Variants in GALNT17 observed in about 807,000 individuals in gnomAD.
The protein encoded by GALNT17 is polypeptide N-acetylgalactosaminyltransferase 17.
In GALNT17, 29 loss-of-function variants were observed where a neutral mutation model predicts 63.7. The ratio of observed to expected loss-of-function variants is 0.46; its 90% CI spans 0.34 to 0.62. GALNT17 has a LOEUF of 0.62. GALNT17 is among the 20% of genes least tolerant of loss of function. The pLI is 0.01. For synonymous variants in GALNT17, 305 were observed against 318.3 expected (o/e 0.96, Z 0.45); for missense variants, 603 against 799.6 (o/e 0.75, Z 2.97).
chr7:71,166,695 A>G lies in GALNT17; in HGVS notation c.238+33655A>G, dbSNP rs543856173. On this transcript the variant is annotated intron_variant, in intron 1 of 10. Coordinates refer to ENST00000333538, the MANE Select transcript of GALNT17 (RefSeq NM_022479.3). ...TTACTTTTATTACTAACTATATTCC[A>G]TTATATGGCTATACCACAGTTTGTT... Among the ~76,000 whole-genome samples, 36 of 152,264 alleles carry G rather than the reference A, an allele frequency of 2.4e-4. 1 individual carries two copies. In the South Asian group the frequency reaches 6.0e-3, roughly 25 times the overall value.
intron 1 of GALNT17, among the ~76,000 whole-genome samples, chr7:71,280,214 G>A (rs1472753176): frequency 6.6e-6 from 1 of 152,122 alleles, no homozygotes; most frequent in African/African-American, 2.4e-5. Context: ...ATGGGCACAA[G>A]GGACTTTATT....
At chr7:71,544,778 A>G (rs1373851524) in intron 5 of GALNT17, among the ~76,000 whole-genome samples, 1 of 152,014 alleles carries the variant, frequency 6.6e-6, no homozygotes, top group African/African-American at 2.4e-5. Context: ...TGAAGATTCC[A>G]TCTCATTTTC....
At chr7:71,315,473 A>G (rs1227345342) in intron 1 of GALNT17, among the ~76,000 whole-genome samples, 1 of 152,142 alleles carries the variant, frequency 6.6e-6, no homozygotes, top group Non-Finnish European at 1.5e-5. Flanking sequence ...CAGCTGCACC[A>G]TTTTACATTC....
At chr7:71,551,433 A>G (rs549848494) in intron 5 of GALNT17, among the ~76,000 whole-genome samples, 24 of 152,308 alleles carry the variant, frequency 1.6e-4, no homozygotes, top group African/African-American at 5.5e-4. Flanking sequence ...AGTATCTGGA[A>G]GTCCTGTGCC....
intron 1 of GALNT17, among the ~76,000 whole-genome samples, chr7:71,287,558 G>T (rs1338731107): frequency 1.3e-5 from 2 of 152,078 alleles, no homozygotes; most frequent in Non-Finnish European, 2.9e-5. Context: ...ACAATGCAGG[G>T]GTTAGAGGCA....
chr7:71,468,563 C>T (rs1583980446), intron 5 of GALNT17, among the ~76,000 whole-genome samples: 1 of 151,998 alleles, frequency 6.6e-6, no homozygotes, highest in South Asian at 2.1e-4. Context: ...ATTATGGATG[C>T]CCACCACCAT....
In GALNT17 at chr7:71,390,216, G is replaced by C. The variant is rs568702499; in HGVS notation, c.589+1815G>C. On this transcript the variant is annotated intron_variant, in intron 3 of 10. Coordinates refer to ENST00000333538, the MANE Select transcript of GALNT17 (RefSeq NM_022479.3). ...GGATTACCCTGCAAGCTGCTCCGTCGTCCGGAAGATGGTGAGGAGGAGGCA... is the reference window on the plus strand; with the variant it reads ...GGATTACCCTGCAAGCTGCTCCGTCCTCCGGAAGATGGTGAGGAGGAGGCA... Among the ~76,000 whole-genome samples the C allele has an allele frequency of 7.2e-5, 11 of 152,248 alleles. No homozygotes were observed. The South Asian group carries it at 2.1e-3, about 29-fold the overall frequency.
intron 1 of GALNT17, among the ~76,000 whole-genome samples, chr7:71,328,087 G>A (rs1791734865): frequency 6.6e-6 from 1 of 152,172 alleles, no homozygotes; most frequent in Admixed American, 6.5e-5. Flanking sequence ...TAGATCTGGA[G>A]TGAAGCATGA....
chr7:71,556,786 G>T (rs1789171386), intron 5 of GALNT17, among the ~76,000 whole-genome samples: 1 of 151,960 alleles, frequency 6.6e-6, no homozygotes, highest in African/African-American at 2.4e-5. Flanking sequence ...GGCTGGTCTT[G>T]AACTCCTGAT....
At chr7:71,379,065 C>G (rs1249614726) in intron 2 of GALNT17, among the ~76,000 whole-genome samples, 1 of 152,070 alleles carries the variant, frequency 6.6e-6, no homozygotes, top group African/African-American at 2.4e-5. Context: ...TGGGGATGAC[C>G]AGAGTGAAGA....
intron 5 of GALNT17, among the ~76,000 whole-genome samples, chr7:71,514,048 A>C (rs1054287454): frequency 2.6e-5 from 4 of 152,188 alleles, no homozygotes; most frequent in African/African-American, 9.6e-5. Flanking sequence ...TTAAAAATTT[A>C]GCCGGGCATG....
chr7:71,152,146 G>C (rs1195421386), intron 1 of GALNT17, among the ~76,000 whole-genome samples: 1 of 151,900 alleles, frequency 6.6e-6, no homozygotes, highest in Non-Finnish European at 1.5e-5. Context: ...ACTGATTCCA[G>C]GAGACTTGAA....
At chr7:71,528,193 C>G (rs1411087853) in intron 5 of GALNT17, among the ~76,000 whole-genome samples, 1 of 152,168 alleles carries the variant, frequency 6.6e-6, no homozygotes, top group East Asian at 1.9e-4. Flanking sequence ...TGGGAATTCC[C>G]TAGTTTTCAC....
At chr7:71,217,179 G>A (rs371721532) in intron 1 of GALNT17, among the ~76,000 whole-genome samples, 55 of 89,902 alleles carry the variant, frequency 6.1e-4, no homozygotes, top group African/African-American at 2.2e-3. Context: ...ATAGAGTTTT[G>A]CCATGTGGCC....
chr7:71,599,389 A>G (rs1440952179), intron 6 of GALNT17, among the ~76,000 whole-genome samples: 1 of 152,204 alleles, frequency 6.6e-6, no homozygotes, highest in Non-Finnish European at 1.5e-5. Flanking sequence ...AAAGACAGCC[A>G]GAATTGAGGT....
At chr7:71,636,552 G>A (rs1003315779) in intron 6 of GALNT17, among the ~76,000 whole-genome samples, 2 of 152,194 alleles carry the variant, frequency 1.3e-5, no homozygotes, top group Non-Finnish European at 2.9e-5. Context: ...AATAGCAGGC[G>A]ACGTCATCAG....
At chr7:71,334,148 C>T (rs1339988726) in intron 1 of GALNT17, among the ~76,000 whole-genome samples, 3 of 152,162 alleles carry the variant, frequency 2.0e-5, no homozygotes, top group Non-Finnish European at 2.9e-5. Context: ...AAATGATGCT[C>T]GTCTGACGGT....
intron 6 of GALNT17, among the ~76,000 whole-genome samples, chr7:71,631,611 G>A (rs1790453590): frequency 6.6e-6 from 1 of 152,136 alleles, no homozygotes. Flanking sequence ...GTCCAGTTGA[G>A]GAAGAGCAAG....
intron 6 of GALNT17, among the ~76,000 whole-genome samples, chr7:71,624,323 A>G (rs766722044): frequency 3.6e-4 from 55 of 152,214 alleles, no homozygotes; most frequent in Non-Finnish European, 6.0e-4. Flanking sequence ...TCCATGGGCC[A>G]TACTTTGAAA....
Sources: allele counts gnomAD v4.1 joint callset (sites outside exome capture counted in the v4.1 genomes callset), GRCh38; gene constraint gnomAD v4.1.1; transcripts MANE v1.5; gene names NCBI Gene and HGNC (gene_info 2026-07-23, HGNC 2026-07-21).